Variants in CEP126 observed in about 807,000 individuals in gnomAD.
CEP126 encodes centrosomal protein of 126 kDa.
In CEP126, 74 loss-of-function variants were observed where a neutral mutation model predicts 107.8. The ratio of observed to expected loss-of-function variants is 0.69; its 90% CI spans 0.57 to 0.83. The LOEUF (loss-of-function observed/expected upper bound fraction) is 0.83, where lower values mean the gene tolerates loss of function less well. Ranked by LOEUF, CEP126 falls within the 40% of genes least tolerant of loss-of-function variation. CEP126 has a pLI of 0.00. For synonymous variants in CEP126, 449 were observed against 446.0 expected (o/e 1.01, Z -0.08); for missense variants, 1,237 against 1,281.9 (o/e 0.96, Z 0.53).
intron 1 of CEP126, among the ~76,000 whole-genome samples, chr11:101,917,027 AATGTGT>A (rs1405561861): frequency 4.3e-4 from 39 of 90,230 alleles, no homozygotes; most frequent in African/African-American, 1.4e-3. Flanking sequence ...AAAATCCAAC[AATGTGT>A]GTGTGTGTGT....
At chr11:101,956,781 CT>C (rs1417331999) in intron 4 of CEP126, 2 of 448,628 alleles carry the variant, frequency 4.5e-6, no homozygotes, top group Non-Finnish European at 8.9e-6. Context: ...TCCTTTCCCC[CT>C]ATTCTTCACT....
Position 101,922,051 on chromosome 11 carries a change from T to C in CEP126, c.129-590T>C, listed in dbSNP as rs903581769. On this transcript the variant is annotated intron_variant, in intron 1 of 10. Transcript: ENST00000263468. ...CCACCCGCCTCAGCCTCCCAAAGTG[T>C]TGGGATTACAGGTGTGAGCCACCGC... Among the ~76,000 whole-genome samples, 6 of 151,680 alleles carry C rather than the reference T, an allele frequency of 4.0e-5. No individual in the cohort carries two copies. In the East Asian group the frequency reaches 9.8e-4, roughly 25 times the overall value.
intron 1 of CEP126, among the ~76,000 whole-genome samples, chr11:101,921,159 G>C (rs562924720): frequency 1.8e-4 from 28 of 152,228 alleles, no homozygotes; most frequent in South Asian, 1.7e-3. Flanking sequence ...ATACACAGAT[G>C]ACTATACATA....
intron 2 of CEP126, among the ~76,000 whole-genome samples, chr11:101,929,974 C>CTTTCTTTTTTT: frequency 8.4e-6 from 1 of 118,686 alleles, no homozygotes; most frequent in East Asian, 2.7e-4. Context: ...TTAGTTAGGA[C>CTTTCTTTTTTT]TTTTTTTTTT....
chr11:101,978,074 T>C (rs1015650396), intron 6 of CEP126, among the ~76,000 whole-genome samples: 3 of 152,232 alleles, frequency 2.0e-5, no homozygotes, highest in African/African-American at 7.2e-5. Context: ...CACCAGTGGA[T>C]TATCTTACAC....
In CEP126 at chr11:101,915,035, C is replaced by G. The variant is rs1056382134; in HGVS notation, c.-250C>G. 1 of 439,820 alleles carries G rather than the reference C, an allele frequency of 2.3e-6. No individual in the cohort carries two copies. Among genetic ancestry groups the G allele is most frequent in the South Asian group, 5.7e-5 (1 of 17,454 alleles). The allele number at this position is 439,820 out of a possible 1,614,324, so 27.2% of individuals were successfully genotyped here. ...GCGCCGTCGGTTGTTGTCAAGATGG[C>G]GGCTGCAGGGTTGCTGCCGCCCCAT... On this transcript the variant is annotated 5_prime_UTR_variant, in exon 1 of 11. Coordinates refer to ENST00000263468, the MANE Select transcript of CEP126 (RefSeq NM_020802.4).
chr11:101,950,096 G>A (rs1940790410), intron 4 of CEP126, among the ~76,000 whole-genome samples: 1 of 152,120 alleles, frequency 6.6e-6, no homozygotes, highest in African/African-American at 2.4e-5. Context: ...TAATGAATCT[G>A]GAAGGGCAAA....
Position 101,944,418 on chromosome 11 carries a change from A to C in CEP126, c.394+8A>C. 1 of 1,606,432 alleles carries C rather than the reference A, an allele frequency of 6.2e-7. No individual in the cohort carries two copies. Among genetic ancestry groups the C allele is most frequent in the Non-Finnish European group, 8.5e-7 (1 of 1,177,612 alleles). ...CACAGCGGAGGAAAGCAGGTGCCTT[A>C]ATTTCTAGAACAGTATGAGAACATA... is the stretch of plus-strand genomic sequence containing the variant. On this transcript the variant is annotated splice_region_variant and intron_variant, in intron 3 of 10. Coordinates refer to ENST00000263468, the MANE Select transcript of CEP126 (RefSeq NM_020802.4).
chr11:101,937,864 T>C (rs1033634189), intron 2 of CEP126, among the ~76,000 whole-genome samples: 15 of 152,188 alleles, frequency 9.9e-5, no homozygotes, highest in Admixed American at 3.3e-4. Flanking sequence ...AAGAAATTGG[T>C]CCATTTTGGC....
Position 101,963,219 on chromosome 11 carries a change from C to T in CEP126, c.2184C>T (p.Ala728=), listed in dbSNP as rs552276542. The T allele has an allele frequency of 6.2e-7, 1 of 1,613,714 alleles. No homozygotes were observed. Among genetic ancestry groups the T allele is most frequent in the Non-Finnish European group, 8.5e-7 (1 of 1,179,942 alleles). ...GYNFAKHAWP[A]SKKEESKIPV... ...ACTTTGCTAAACATGCCTGGCCAGC[C>T]TCAAAAAAAGAAGAAAGTAAAATCC... The change falls in exon 6 of 11, where the codon GCC becomes GCT. Residue 728 remains alanine, a synonymous_variant. Coordinates refer to ENST00000263468, the MANE Select transcript of CEP126 (RefSeq NM_020802.4).
intron 2 of CEP126, among the ~76,000 whole-genome samples, chr11:101,942,103 G>A (rs779101315): frequency 6.6e-6 from 1 of 151,960 alleles, no homozygotes; most frequent in Non-Finnish European, 1.5e-5. Context: ...TGTGTTGATG[G>A]TGTCCTTGGA....
intron 9 of CEP126, among the ~76,000 whole-genome samples, chr11:101,989,730 C>T (rs961250702): frequency 1.3e-5 from 2 of 152,106 alleles, no homozygotes; most frequent in African/African-American, 2.4e-5. Context: ...GAGGCCGAGG[C>T]GGGCGGATCA....
intron 2 of CEP126, among the ~76,000 whole-genome samples, chr11:101,935,794 T>C (rs992766002): frequency 6.6e-6 from 1 of 151,988 alleles, no homozygotes. Context: ...AACTACCATA[T>C]AGGAATTTTA....
rs146251470 is a variant in CEP126 at position 101,967,880 on chromosome 11, C to G, written c.2845+4000C>G. Among the ~76,000 whole-genome samples, 42 of 152,146 alleles carry G rather than the reference C, an allele frequency of 2.8e-4. No homozygotes were observed. In the East Asian group the frequency reaches 4.6e-3, roughly 17 times the overall value. ...GGGGAGAGAAGAAGGTGAATAGGCT[C>G]TAGGAGGGCTACATACAGGGCTGCC... is the stretch of plus-strand genomic sequence containing the variant. On this transcript the variant is annotated intron_variant, in intron 6 of 10. Transcript: ENST00000263468.
At chr11:101,980,610 A>G (rs1335067059) in intron 7 of CEP126, among the ~76,000 whole-genome samples, 2 of 152,164 alleles carry the variant, frequency 1.3e-5, no homozygotes, top group Non-Finnish European at 2.9e-5. Flanking sequence ...TCCTGAATCA[A>G]ATTTTTTCAT....
chr11:101,925,133 A>T (rs1350170484), intron 2 of CEP126, among the ~76,000 whole-genome samples: 1 of 151,844 alleles, frequency 6.6e-6, no homozygotes, highest in Non-Finnish European at 1.5e-5. Context: ...ACTTTCTTTT[A>T]TTGCTCTTAG....
rs1394100811 is a variant in CEP126 at position 101,999,683 on chromosome 11, G to C, written c.*2040G>C. On this transcript the variant is annotated 3_prime_UTR_variant, in exon 11 of 11. Coordinates refer to ENST00000263468, the MANE Select transcript of CEP126 (RefSeq NM_020802.4). Reference sequence around the variant, plus strand: ...TGGGTTCATTAAGAGTGATAAAAGTGGGAAGACATAAAGAGCCTTTGTGAA... The same window carrying C: ...TGGGTTCATTAAGAGTGATAAAAGTCGGAAGACATAAAGAGCCTTTGTGAA... 1.3e-5 allele frequency: 2 copies of C among 152,092 alleles called. No individual in the cohort carries two copies. Among genetic ancestry groups the C allele is most frequent in the South Asian group, 2.1e-4 (1 of 4,816 alleles). The allele number at this position is 152,092 out of a possible 1,614,324, so 9.4% of individuals were successfully genotyped here.
intron 3 of CEP126, among the ~76,000 whole-genome samples, chr11:101,947,071 C>G (rs1029676107): frequency 6.6e-6 from 1 of 152,046 alleles, no homozygotes; most frequent in Non-Finnish European, 1.5e-5. Flanking sequence ...CTTTAGAGTT[C>G]AAGTTTGAAC....
chr11:101,963,288 A>C lies in CEP126; in HGVS notation c.2253A>C (p.Arg751Ser), dbSNP rs377544156. ...AAACTAAGCAAGGTAAGCCACAAAG[A>C]GGTAGAGCAAAAATAATTAGAAAAC... ...DSKTKQGKPQ[R>S]GRAKIIRKPG... The change falls in exon 6 of 11, where the codon AGA becomes AGC. Residue 751 changes from arginine (R) to serine (S), a missense_variant. This residue lies in a region of CEP126 where 1,134 missense variants were observed against 1,150.5 expected (regional missense o/e 0.99). Coordinates refer to ENST00000263468, the MANE Select transcript of CEP126 (RefSeq NM_020802.4). 3 of 1,613,922 alleles carry C rather than the reference A, an allele frequency of 1.9e-6. No homozygotes were observed. The African/African-American group carries it at 4.0e-5, about 22-fold the overall frequency.
Sources: allele counts gnomAD v4.1 joint callset (sites outside exome capture counted in the v4.1 genomes callset), GRCh38; gene constraint gnomAD v4.1.1; regional missense constraint gnomAD v4.1.1; transcripts MANE v1.5; gene names NCBI Gene and HGNC (gene_info 2026-07-23, HGNC 2026-07-21).